Variants in SLC12A2 observed in about 807,000 individuals in gnomAD.
SLC12A2 encodes the protein Na-K-2Cl cotransporter 1.
SLC12A2 carries 67 observed loss-of-function variants against 136.3 expected under a neutral mutation model. The ratio of observed to expected loss-of-function variants is 0.49; its 90% CI spans 0.40 to 0.60. The LOEUF (loss-of-function observed/expected upper bound fraction) is 0.60. SLC12A2 is among the 20% of genes least tolerant of loss of function. The pLI is 0.00. For synonymous variants in SLC12A2, 619 were observed against 562.9 expected (o/e 1.10, Z -1.41); for missense variants, 1,322 against 1,534.7 (o/e 0.86, Z 2.32).
chr5:128,131,052 T>C lies in SLC12A2; in HGVS notation c.1049-15T>C, dbSNP rs1249022089. The C allele has an allele frequency of 1.2e-6, 2 of 1,610,946 alleles. No homozygotes were observed. Among genetic ancestry groups the C allele is most frequent in the South Asian group, 1.1e-5 (1 of 90,618 alleles). On this transcript the variant is annotated splice_polypyrimidine_tract_variant and intron_variant, in intron 4 of 26. Transcript: ENST00000262461. Reference sequence around the variant, plus strand: ...CTTTAGTACCTGTTTTTTTTGTTTGTTTGTTTGTTTTTAGGAGGAGCATAT... The same window carrying C: ...CTTTAGTACCTGTTTTTTTTGTTTGCTTGTTTGTTTTTAGGAGGAGCATAT...
At chr5:128,130,934 C>T (rs1761997494) in intron 4 of SLC12A2, 133 bp from the exon 5 acceptor site, 3 of 721,120 alleles carry the variant, frequency 4.2e-6, no homozygotes, top group Non-Finnish European at 7.0e-6. Flanking sequence ...AATACAGTCA[C>T]TCACTTGCCT....
chr5:128,130,992 A>G, intron 4 of SLC12A2, 75 bp from the exon 5 acceptor site: 1 of 1,406,758 alleles, frequency 7.1e-7, no homozygotes, highest in South Asian at 1.2e-5. Context: ...GAATTCATGT[A>G]TAATTAAAGG....
At chr5:128,158,845 GCA>G (rs1762945003) in intron 16 of SLC12A2, among the ~76,000 whole-genome samples, 1 of 146,806 alleles carries the variant, frequency 6.8e-6, no homozygotes, top group Non-Finnish European at 1.5e-5. Flanking sequence ...TCTTTTCTCT[GCA>G]ACCTCACCAG....
At chr5:128,112,968 C>A in intron 2 of SLC12A2, 35 bp downstream of exon 2, 1 of 1,517,042 alleles carries the variant, frequency 6.6e-7, no homozygotes, top group Non-Finnish European at 8.8e-7. Flanking sequence ...ATAGTTACAG[C>A]ATATCTGTTG....
Position 128,148,830 on chromosome 5 carries a change from G to A in SLC12A2, c.1958G>A (p.Arg653His), listed in dbSNP as rs763775784. The change falls in exon 12 of 27, where the codon CGT becomes CAT. Residue 653 changes from arginine (R) to histidine (H), a missense_variant. Around this residue, in one of 8 missense-constraint regions of SLC12A2, gnomAD observed 294 missense variants for 436.6 expected, o/e 0.67. Transcript: ENST00000262461. ...TATGGGAAAAATAATGAACCTCTTC[G>A]TGGCTACATCTTAACATTCTTAATT... ...KGYGKNNEPL[R>H]GYILTFLIAL... The A allele has an allele frequency of 1.2e-5, 20 of 1,607,478 alleles. No homozygotes were observed. The highest frequency in any genetic ancestry group is 2.7e-5 in the African/African-American group (2 of 74,618).
chr5:128,101,249 A>G (rs1216120695), intron 1 of SLC12A2, among the ~76,000 whole-genome samples: 1 of 152,096 alleles, frequency 6.6e-6, no homozygotes, highest in Non-Finnish European at 1.5e-5. Flanking sequence ...ATTAAAAAAA[A>G]TTGTTAGAAC....
chr5:128,084,791 T>C lies in SLC12A2; in HGVS notation c.756+81T>C. ...GATGTGGCTGCAGACTCTTCCCGAGTTGAGGTGGCGGGAGTAGTAGACGTG... is the reference window on the plus strand; with the variant it reads ...GATGTGGCTGCAGACTCTTCCCGAGCTGAGGTGGCGGGAGTAGTAGACGTG... On this transcript the variant is annotated intron_variant, in intron 1 of 26. Coordinates refer to ENST00000262461, the MANE Select transcript of SLC12A2 (RefSeq NM_001046.3). This position sits in a 1 kb window ranked among gnomAD's most constrained non-coding sequence, Gnocchi z 5.6. The C allele has an allele frequency of 7.0e-7, 1 of 1,423,288 alleles. No individual in the cohort carries two copies. Among genetic ancestry groups the C allele is most frequent in the Admixed American group, 2.5e-5 (1 of 39,718 alleles). 88.2% of individuals were successfully genotyped at this position (1,423,288 alleles called of 1,614,324 possible). A position where few individuals can be genotyped will look rare whatever the true frequency, so the allele number is the denominator to read the frequency against.
intron 1 of SLC12A2, among the ~76,000 whole-genome samples, chr5:128,092,106 C>A (rs1481708453): frequency 6.6e-6 from 1 of 152,130 alleles, no homozygotes; most frequent in Non-Finnish European, 1.5e-5. Context: ...GAGACCTGCC[C>A]TTCCCACAGA....
chr5:128,159,506 C>A (rs1762966387), intron 16 of SLC12A2, among the ~76,000 whole-genome samples: 1 of 152,120 alleles, frequency 6.6e-6, no homozygotes, highest in Non-Finnish European at 1.5e-5. Flanking sequence ...ATGTATCCAT[C>A]TGACAAAGGG....
intron 4 of SLC12A2, among the ~76,000 whole-genome samples, chr5:128,116,620 G>A (rs1761361127): frequency 6.6e-6 from 1 of 152,010 alleles, no homozygotes; most frequent in Admixed American, 6.6e-5. Context: ...CTGTTATGAG[G>A]TGTTCATACG....
intron 1 of SLC12A2, among the ~76,000 whole-genome samples, chr5:128,105,651 G>T (rs1181624021): frequency 1.3e-5 from 2 of 152,182 alleles, no homozygotes; most frequent in African/African-American, 4.8e-5. Flanking sequence ...GAGAGGGAAT[G>T]ATCAAGTTGA....
At chr5:128,104,422 A>G (rs1352067418) in intron 1 of SLC12A2, among the ~76,000 whole-genome samples, 1 of 152,086 alleles carries the variant, frequency 6.6e-6, no homozygotes, top group African/African-American at 2.4e-5. Flanking sequence ...ACTTGAGGTC[A>G]GGAAAGTTAG....
chr5:128,174,699 T>C, intron 20 of SLC12A2, 33 bp downstream of exon 20: 1 of 1,458,706 alleles, frequency 6.9e-7, no homozygotes, highest in Non-Finnish European at 9.3e-7. Flanking sequence ...GTCTTATTAA[T>C]AGTAATGTTT....
chr5:128,140,444 T>G (rs1762326257), intron 9 of SLC12A2, among the ~76,000 whole-genome samples: 1 of 152,244 alleles, frequency 6.6e-6, no homozygotes, highest in Non-Finnish European at 1.5e-5. Flanking sequence ...CATGCTTCTA[T>G]ACATTATTGC....
intron 4 of SLC12A2, among the ~76,000 whole-genome samples, chr5:128,123,356 C>T (rs1200899464): frequency 6.6e-6 from 1 of 152,080 alleles, no homozygotes; most frequent in Non-Finnish European, 1.5e-5. Context: ...AACCAGGATA[C>T]TGGAATGTAT....
At chr5:128,125,652 T>A (rs1287130282) in intron 4 of SLC12A2, among the ~76,000 whole-genome samples, 1 of 152,192 alleles carries the variant, frequency 6.6e-6, no homozygotes, top group Non-Finnish European at 1.5e-5. Flanking sequence ...AAGAGACGTT[T>A]ACCATTTTGA....
rs187236559 is a variant in SLC12A2, at chr5:128,104,658, T to G, written c.757-8156T>G. On this transcript the variant is annotated intron_variant, in intron 1 of 26. Transcript: ENST00000262461. ...AAAAAAAGAAAAAAAAATATATATA[T>G]ATAGATATATAGATATATAGATATA... Among the ~76,000 whole-genome samples the G allele has an allele frequency of 9.9e-4, 128 of 128,674 alleles. 1 individual carries two copies. The highest frequency in any genetic ancestry group is 4.1e-3 in the African/African-American group (120 of 28,918). The allele number at this position is 128,674 out of a possible 152,430, so 84.4% of individuals were successfully genotyped here.
chr5:128,128,720 G>C (rs1761905259), intron 4 of SLC12A2, among the ~76,000 whole-genome samples: 1 of 151,258 alleles, frequency 6.6e-6, no homozygotes, highest in African/African-American at 2.4e-5. Flanking sequence ...TAAGTTAAAT[G>C]TGTAGTATTT....
chr5:128,089,392 C>G (rs1317833477), intron 1 of SLC12A2, among the ~76,000 whole-genome samples: 1 of 152,000 alleles, frequency 6.6e-6, no homozygotes, highest in Admixed American at 6.6e-5. Flanking sequence ...CAGCAAGACC[C>G]TGTCTAAAAA....
Sources: allele counts gnomAD v4.1 joint callset (sites outside exome capture counted in the v4.1 genomes callset), GRCh38; gene constraint gnomAD v4.1.1; regional missense constraint gnomAD v4.1.1; non-coding constraint Gnocchi (gnomAD v3.1); transcripts MANE v1.5; gene names NCBI Gene and HGNC (gene_info 2026-07-23, HGNC 2026-07-21).